The following TFRC variants were observed in gnomAD, a reference collection of about 807,000 sequenced individuals.
TFRC encodes transferrin receptor.
TFRC carries 35 observed loss-of-function variants against 85.8 expected under a neutral mutation model. That is an observed-to-expected ratio of 0.41 (90% CI 0.31 to 0.54). The LOEUF (loss-of-function observed/expected upper bound fraction) is 0.54, where lower values mean the gene tolerates loss of function less well. TFRC is among the 20% of genes least tolerant of loss of function. The pLI is 0.31. For synonymous variants in TFRC, 362 were observed against 328.6 expected (o/e 1.10, Z -1.10); for missense variants, 828 against 921.5 (o/e 0.90, Z 1.31).
intron 13 of TFRC, chr3:196,062,366 T>C: frequency 3.9e-6 from 2 of 519,046 alleles, no homozygotes; most frequent in Non-Finnish European, 3.4e-6. Context: ...GCCCTGTCTC[T>C]ACTAAAAATA....
chr3:196,079,912 A>T (rs1199216284), intron 1 of TFRC, among the ~76,000 whole-genome samples: 1 of 152,156 alleles, frequency 6.6e-6, no homozygotes, highest in Non-Finnish European at 1.5e-5. Context: ...CATCTCTATG[A>T]AGCCTTCTCT....
chr3:196,068,610 C>CAAAAAAAAAAAAA (rs55807772), intron 7 of TFRC, among the ~76,000 whole-genome samples: 16 of 41,832 alleles, frequency 3.8e-4, no homozygotes, highest in South Asian at 1.3e-3. Flanking sequence ...AACTCCCTCT[C>CAAAAAAAAAAAAA]AAAAAAAAAA....
intron 2 of TFRC, among the ~76,000 whole-genome samples, chr3:196,076,545 G>A (rs893074260): frequency 3.3e-5 from 5 of 151,612 alleles, no homozygotes; most frequent in Admixed American, 6.6e-5. Context: ...CGCCTCCCGG[G>A]TTCAAGCAAT....
At chr3:196,053,595 T>C in intron 17 of TFRC, 37 bp from the exon 18 acceptor site, 30 of 1,610,000 alleles carry the variant, frequency 1.9e-5, no homozygotes, top group Non-Finnish European at 2.5e-5. Context: ...AAGTTTTATT[T>C]CTAAGGACAT....
chr3:196,075,497 A>C, intron 2 of TFRC, 137 bp from the exon 3 acceptor site: 2 of 759,048 alleles, frequency 2.6e-6, no homozygotes, highest in Middle Eastern at 3.7e-4. Context: ...TCAAACCAAC[A>C]TTCTTCCCTG....
intron 9 of TFRC, among the ~76,000 whole-genome samples, chr3:196,067,173 T>C (rs1258674460): frequency 6.6e-6 from 1 of 152,260 alleles, no homozygotes; most frequent in East Asian, 1.9e-4. Context: ...TTTATCCCAA[T>C]ATGAATTCTA....
chr3:196,064,135 A>C (rs1717514080), intron 11 of TFRC, among the ~76,000 whole-genome samples, 174 bp downstream of exon 11: 1 of 152,204 alleles, frequency 6.6e-6, no homozygotes, highest in African/African-American at 2.4e-5. Context: ...ACTTTATGGA[A>C]AGCTGTTTCA....
In TFRC at chr3:196,068,104, T is replaced by G; in HGVS notation, c.828A>C (p.Ala276=). The change falls in exon 8 of 19, where the codon GCA becomes GCC. Residue 276 remains alanine, a synonymous_variant. Coordinates refer to ENST00000360110, the MANE Select transcript of TFRC (RefSeq NM_001128148.3). ...GGTCCATGTATATCAACACACCAAT[T>G]GCATTTAAGCTTTCAGCATTTGCAA... ...EKVANAESLN[A]IGVLIYMDQT... is the part of the protein sequence containing the mutation. 2 of 1,612,888 alleles carry G rather than the reference T, an allele frequency of 1.2e-6. No homozygotes were observed. The highest frequency in any genetic ancestry group is 8.5e-7 in the Non-Finnish European group (1 of 1,179,654).
At position 196,050,047 on chromosome 3, in the gene TFRC, T is replaced by A; in HGVS notation, c.*1895A>T. 4.3e-6 allele frequency: 1 copy of A among 231,476 alleles called. No homozygotes were observed. Among genetic ancestry groups the A allele is most frequent in the Non-Finnish European group, 8.6e-6 (1 of 116,924 alleles). 14.3% of individuals were successfully genotyped at this position (231,476 alleles called of 1,614,324 possible). ...CACCACGAATGGGTAGGCAGACGTG[T>A]CAGACCTTCAGGGGACTCTCCTTCC... On this transcript the variant is annotated 3_prime_UTR_variant, in exon 19 of 19. Coordinates refer to ENST00000360110, the MANE Select transcript of TFRC (RefSeq NM_001128148.3).
rs764716764 is a variant in TFRC at position 196,069,505 on chromosome 3, T to C, written c.751A>G (p.Asn251Asp). The C allele has an allele frequency of 3.1e-6, 5 of 1,613,596 alleles. No individual in the cohort carries two copies. Among genetic ancestry groups the C allele is most frequent in the Non-Finnish European group, 4.2e-6 (5 of 1,179,788 alleles). ...KDFEDLYTPV[N>D]GSIVIVRAGK... ...GCTCTGACAATCACTATAGATCCAT[T>C]CACAGGAGTGTATAAATCCTCAAAA... The change falls in exon 7 of 19, where the codon AAT becomes GAT. Residue 251 changes from asparagine (N) to aspartate (D), a missense_variant. Transcript: ENST00000360110.
Position 196,064,432 on chromosome 3 carries a change from T to C in TFRC, c.1199-4A>G, listed in dbSNP as rs1471978053. On this transcript the variant is annotated splice_polypyrimidine_tract_variant and splice_region_variant and intron_variant, in intron 10 of 18. Coordinates refer to ENST00000360110, the MANE Select transcript of TFRC (RefSeq NM_001128148.3). ...GCCCCAACTACAACATAGTGATCTT[T>C]AAAAAAGAAAAAAGAGGAAGAAAGA... is the stretch of plus-strand genomic sequence containing the variant. 2.5e-6 allele frequency: 4 copies of C among 1,571,740 alleles called. No individual in the cohort carries two copies. The African/African-American group carries it at 5.6e-5, about 22-fold the overall frequency.
chr3:196,068,927 C>CAAAA (rs55642820), intron 7 of TFRC, among the ~76,000 whole-genome samples: 1 of 85,272 alleles, frequency 1.2e-5, no homozygotes, highest in Admixed American at 1.3e-4. Flanking sequence ...GACTCCGTCT[C>CAAAA]AAAAAAAAAA....
At chr3:196,081,013 GAGGTCTCTACA>G (rs1719125094) in intron 1 of TFRC, among the ~76,000 whole-genome samples, 1 of 152,188 alleles carries the variant, frequency 6.6e-6, no homozygotes, top group Non-Finnish European at 1.5e-5. Flanking sequence ...CCGGGTAAGT[GAGGTCTCTACA>G]AGCAGTAAGC....
At chr3:196,056,502 C>T (rs756138794) in intron 16 of TFRC, among the ~76,000 whole-genome samples, 2 of 152,134 alleles carry the variant, frequency 1.3e-5, no homozygotes, top group Non-Finnish European at 2.9e-5. Context: ...TGGGTTCAAG[C>T]GATTCTTCCA....
chr3:196,077,752 C>CA lies in TFRC; in HGVS notation c.-23-631dup, dbSNP rs143065773. 4.6e-3 allele frequency among the ~76,000 whole-genome samples: 659 copies of CA among 144,784 alleles called. 3 individuals are homozygous for CA. Among genetic ancestry groups the CA allele is most frequent in the African/African-American group, 0.015 (610 of 39,432 alleles). 95.0% of individuals were successfully genotyped at this position (144,784 alleles called of 152,430 possible). ...GGAAAACAAGAGCAAAACTCTGTCT[C>CA]AAAAAAAAAAGAAAGTGACACATAC... On this transcript the variant is annotated intron_variant, in intron 1 of 18. Coordinates refer to ENST00000360110, the MANE Select transcript of TFRC (RefSeq NM_001128148.3).
chr3:196,064,202 T>C, intron 11 of TFRC, 107 bp downstream of exon 11: 2 of 1,234,402 alleles, frequency 1.6e-6, no homozygotes, highest in Admixed American at 5.6e-5. Context: ...AACTAGAGTC[T>C]AGCATGAGAA....
chr3:196,069,425 G>A (rs1560082900), intron 7 of TFRC, 30 bp downstream of exon 7: 3 of 1,283,644 alleles, frequency 2.3e-6, no homozygotes, highest in East Asian at 2.4e-5. Flanking sequence ...CAAAAGTACT[G>A]TATTTAATAT....
intron 12 of TFRC, 73 bp from the exon 13 acceptor site, chr3:196,062,718 T>C: frequency 2.6e-6 from 4 of 1,551,246 alleles, no homozygotes; most frequent in South Asian, 1.2e-5. Context: ...TAGGGATTCA[T>C]TTTCAATTCT....
chr3:196,068,585 T>C (rs1185846969), intron 7 of TFRC, among the ~76,000 whole-genome samples: 1 of 90,240 alleles, frequency 1.1e-5, no homozygotes, highest in African/African-American at 4.6e-5. Flanking sequence ...CACTCCAGCC[T>C]GGACAAAAGA....
Sources: gnomAD v4.1 joint callset for allele counts (sites outside exome capture counted in the v4.1 genomes callset) on GRCh38, gnomAD v4.1.1 for gene constraint, MANE v1.5 for transcripts, NCBI Gene and HGNC (gene_info 2026-07-23, HGNC 2026-07-21) for gene names.